LATS1: variants seen among roughly 807,000 people sequenced by gnomAD.
LATS1 encodes serine/threonine-protein kinase LATS1.
A neutral mutation model predicts 106.6 loss-of-function variants in LATS1; 25 were observed. The ratio of observed to expected loss-of-function variants is 0.23; its 90% CI spans 0.17 to 0.33. The LOEUF (loss-of-function observed/expected upper bound fraction) is 0.33, where lower values mean the gene tolerates loss of function less well. Ranked by LOEUF, LATS1 falls within the 10% of genes least tolerant of loss-of-function variation. The pLI is 1.00. For missense variants in LATS1, 1,040 were observed against 1,382.6 expected, an observed-to-expected ratio of 0.75 and a Z score of 3.93; for synonymous variants, 465 against 455.6, an observed-to-expected ratio of 1.02 and a Z score of -0.26.
chr6:149,713,403 T>G (rs1784212675), intron 1 of LATS1, among the ~76,000 whole-genome samples: 2 of 151,858 alleles, frequency 1.3e-5, no homozygotes, highest in South Asian at 4.1e-4. Context: ...CAAGCAATTC[T>G]TCTGCCTCAG....
chr6:149,661,022 G>A lies in LATS1; in HGVS notation c.*707C>T. On this transcript the variant is annotated 3_prime_UTR_variant, in exon 8 of 8. Coordinates refer to ENST00000543571, the MANE Select transcript of LATS1 (RefSeq NM_004690.4). ...TCAAAAATACCAATATGGAAAAAAA[G>A]CTAGTAGTGCTTTGGCTTCTTTTAA... 1 of 200,536 alleles carries A rather than the reference G, an allele frequency of 5.0e-6. No homozygotes were observed. The highest frequency in any genetic ancestry group is 7.6e-5 in the East Asian group (1 of 13,226). 12.4% of individuals were successfully genotyped at this position (200,536 alleles called of 1,614,324 possible).
At chr6:149,692,369 G>A (rs1021541436) in intron 3 of LATS1, among the ~76,000 whole-genome samples, 2 of 151,962 alleles carry the variant, frequency 1.3e-5, no homozygotes, top group Non-Finnish European at 2.9e-5. Context: ...TCAGATATCA[G>A]CTTTATTATC....
At chr6:149,695,750 G>A (rs1436524207) in intron 2 of LATS1, among the ~76,000 whole-genome samples, 3 of 149,838 alleles carry the variant, frequency 2.0e-5, no homozygotes, top group African/African-American at 7.3e-5. Context: ...TCATCTTTAT[G>A]TAACATATTT....
intron 2 of LATS1, among the ~76,000 whole-genome samples, chr6:149,699,547 A>G (rs1300401730): frequency 6.6e-6 from 1 of 152,216 alleles, no homozygotes. Flanking sequence ...ATAAATGTCT[A>G]AATACTTTCA....
In LATS1 at chr6:149,660,542, T is replaced by C. The variant is rs1562313440; in HGVS notation, c.*1187A>G. ...TTTACTATGGTCAAAATGGAGCCTT[T>C]TTCCCCTTCCTAAAAGATAAGCTAC... On this transcript the variant is annotated 3_prime_UTR_variant, in exon 8 of 8. Transcript: ENST00000543571. 1.3e-5 allele frequency: 3 copies of C among 232,850 alleles called. No homozygotes were observed. The highest frequency in any genetic ancestry group is 2.5e-5 in the Non-Finnish European group (3 of 117,924). The allele number at this position is 232,850 out of a possible 1,614,324, so 14.4% of individuals were successfully genotyped here.
At chr6:149,689,394 G>C (rs1005537820) in intron 3 of LATS1, among the ~76,000 whole-genome samples, 1 of 149,980 alleles carries the variant, frequency 6.7e-6, no homozygotes, top group Admixed American at 6.7e-5. Flanking sequence ...CTTTCAGGCT[G>C]GGCACGGTGG....
At chr6:149,695,278 C>A (rs896312145) in intron 2 of LATS1, 57 bp from the exon 3 acceptor site, 1 of 1,180,824 alleles carries the variant, frequency 8.5e-7, no homozygotes, top group Non-Finnish European at 1.2e-6. Context: ...TACAATAATA[C>A]AAGGGAAAGA....
chr6:149,701,492 C>T lies in LATS1; in HGVS notation c.348+287G>A, dbSNP rs550851336. ...ACAGATGTCCTTCCCCTACCCTCAC[C>T]TATGGCTTTCTTCAACTGCACTTCC... On this transcript the variant is annotated intron_variant, in intron 2 of 7. Transcript: ENST00000543571. Among the ~76,000 whole-genome samples, 23 of 152,334 alleles carry T rather than the reference C, an allele frequency of 1.5e-4. No homozygotes were observed. In the South Asian group the frequency reaches 1.9e-3, roughly 12 times the overall value.
chr6:149,675,522 C>T (rs890779721), intron 7 of LATS1, among the ~76,000 whole-genome samples: 17 of 152,156 alleles, frequency 1.1e-4, no homozygotes, highest in Non-Finnish European at 2.4e-4. Context: ...AAAGAGTAAA[C>T]TGGACTAAAT....
At chr6:149,681,537 T>C (rs1470626191) in intron 4 of LATS1, among the ~76,000 whole-genome samples, 1 of 151,894 alleles carries the variant, frequency 6.6e-6, no homozygotes, top group Non-Finnish European at 1.5e-5. Flanking sequence ...TTAGTGAAAG[T>C]GAAGAGGAAA....
chr6:149,695,987 C>T (rs1225466958), intron 2 of LATS1, among the ~76,000 whole-genome samples: 1 of 151,660 alleles, frequency 6.6e-6, no homozygotes, highest in Non-Finnish European at 1.5e-5. Flanking sequence ...TCACTAGCAA[C>T]TTCTACCTCC....
At chr6:149,703,550 C>T (rs1184210660) in intron 1 of LATS1, among the ~76,000 whole-genome samples, 2 of 151,996 alleles carry the variant, frequency 1.3e-5, no homozygotes, top group African/African-American at 4.8e-5. Flanking sequence ...TGGAAAGCAG[C>T]AACAAAAAAT....
intron 7 of LATS1, among the ~76,000 whole-genome samples, chr6:149,665,579 G>A (rs1781095548): frequency 6.6e-6 from 1 of 152,120 alleles, no homozygotes; most frequent in African/African-American, 2.4e-5. Flanking sequence ...CAGAGAGGGA[G>A]GAGATTGGGC....
rs76098768 is a variant in LATS1 at position 149,680,602 on chromosome 6, C to A, written c.2011-145G>T. ...CATGTTAGAAATCTAGAAAACATTT[C>A]AAAGGAAATTAATGATCAAAAGTGC... On this transcript the variant is annotated intron_variant, in intron 4 of 7. Transcript: ENST00000543571. 2.5e-3 allele frequency: 1,632 copies of A among 646,570 alleles called. 17 individuals are homozygous for A. The highest frequency in any genetic ancestry group is 0.019 in the East Asian group (672 of 35,990). 40.1% of individuals were successfully genotyped at this position (646,570 alleles called of 1,614,324 possible).
At chr6:149,704,681 A>G (rs1783652025) in intron 1 of LATS1, among the ~76,000 whole-genome samples, 1 of 151,262 alleles carries the variant, frequency 6.6e-6, no homozygotes, top group South Asian at 2.1e-4. Context: ...AAGTCTCCCT[A>G]TGTTGCTCAG....
chr6:149,704,239 G>T (rs2114973374), intron 1 of LATS1, among the ~76,000 whole-genome samples: 1 of 152,238 alleles, frequency 6.6e-6, no homozygotes, highest in East Asian at 1.9e-4. Context: ...CCGACCTCAG[G>T]TGATCCACCC....
At chr6:149,665,735 G>C (rs1230082560) in intron 7 of LATS1, among the ~76,000 whole-genome samples, 1 of 152,156 alleles carries the variant, frequency 6.6e-6, no homozygotes, top group African/African-American at 2.4e-5. Flanking sequence ...TATCTGCCTA[G>C]AAAGGAAAAG....
chr6:149,665,100 G>T (rs1440537708), intron 7 of LATS1, among the ~76,000 whole-genome samples: 1 of 152,130 alleles, frequency 6.6e-6, no homozygotes, highest in Non-Finnish European at 1.5e-5. Flanking sequence ...GGCTCATCAC[G>T]CCTGTAATCC....
chr6:149,668,118 C>T (rs1402760619), intron 7 of LATS1, among the ~76,000 whole-genome samples: 1 of 152,186 alleles, frequency 6.6e-6, no homozygotes, highest in African/African-American at 2.4e-5. Context: ...GGGGTTTCAA[C>T]ATGTTGGCCA....
Sources: gnomAD v4.1 joint callset for allele counts (sites outside exome capture counted in the v4.1 genomes callset) on GRCh38, gnomAD v4.1.1 for gene constraint, MANE v1.5 for transcripts, NCBI Gene and HGNC (gene_info 2026-07-23, HGNC 2026-07-21) for gene names.